TUT1: variants seen among roughly 807,000 people sequenced by gnomAD.
TUT1 encodes speckle targeted PIP5K1A-regulated poly(A) polymerase.
A neutral mutation model predicts 48.8 loss-of-function variants in TUT1; 26 were observed. The ratio of observed to expected loss-of-function variants is 0.53; its 90% CI spans 0.39 to 0.74. The LOEUF is 0.74. Among genes scored for constraint, TUT1 ranks in the 30% least tolerant of loss-of-function variants. The pLI, the probability that TUT1 is intolerant of heterozygous loss-of-function variation, is 0.00. For synonymous variants in TUT1, 470 were observed against 460.8 expected (o/e 1.02, Z -0.26); for missense variants, 1,065 against 1,114.8 (o/e 0.96, Z 0.64).
At chr11:62,580,040 T>C (rs898344641) in intron 4 of TUT1, among the ~76,000 whole-genome samples, 1 of 152,122 alleles carries the variant, frequency 6.6e-6, no homozygotes, top group African/African-American at 2.4e-5. Context: ...TTTGGGAGAA[T>C]GAGGCAGGAG....
rs1942008043 is a variant in TUT1 at position 62,591,258 on chromosome 11, C to T, written c.82+146G>A. The stretch of plus-strand genomic sequence containing the variant: ...GAACTTTCCCGACTCTCCAAATCCC[C>T]TCGGACTTGCAGAGAAAAACGGAGG... On this transcript the variant is annotated intron_variant, in intron 1 of 8. Coordinates refer to ENST00000476907, the MANE Select transcript of TUT1 (RefSeq NM_022830.3). 3.7e-6 allele frequency: 5 copies of T among 1,364,420 alleles called. No homozygotes were observed. The South Asian group carries it at 9.3e-5, about 25-fold the overall frequency. The allele number at this position is 1,364,420 out of a possible 1,614,324, so 84.5% of individuals were successfully genotyped here.
In TUT1 at chr11:62,575,117, G is replaced by A; in HGVS notation, c.2602C>T (p.Gln868Ter). ...LHHFLQVFLP[Q>*]AIRHLK ...CTTCACTTGAGATGTCGAATTGCTT[G>A]AGGGAGGAAAACCTGTAAGAAATGA... Residue 868 changes from glutamine (Q) to a stop codon, truncating the protein, a stop_gained, in exon 9 of 9, where the codon CAA becomes TAA. Coordinates refer to ENST00000476907, the MANE Select transcript of TUT1 (RefSeq NM_022830.3). LOFTEE classifies it high-confidence loss of function. The A allele has an allele frequency of 6.4e-7, 1 of 1,572,570 alleles. No individual in the cohort carries two copies. The highest frequency in any genetic ancestry group is 1.8e-5 in the Admixed American group (1 of 55,094).
At chr11:62,576,376 G>T in intron 8 of TUT1, 132 bp from the exon 9 acceptor site, 1 of 1,180,006 alleles carries the variant, frequency 8.5e-7, no homozygotes, top group South Asian at 1.6e-5. Context: ...CAGGAAGCTA[G>T]GCTTCTCTGA....
chr11:62,584,620 T>A (rs559950977), intron 2 of TUT1, among the ~76,000 whole-genome samples: 16 of 151,476 alleles, frequency 1.1e-4, no homozygotes, highest in African/African-American at 3.9e-4. Context: ...TTTTTTGTAT[T>A]TTTAGTAGAG....
At chr11:62,576,266 G>A (rs1178756792) in intron 8 of TUT1, 22 bp from the exon 9 acceptor site, 1 of 1,526,460 alleles carries the variant, frequency 6.6e-7, no homozygotes, top group Admixed American at 2.2e-5. Flanking sequence ...GGAAGAGTGG[G>A]GAAAGGGGGG....
intron 2 of TUT1, among the ~76,000 whole-genome samples, chr11:62,585,790 C>T (rs1941903178): frequency 6.6e-6 from 1 of 151,892 alleles, no homozygotes; most frequent in Non-Finnish European, 1.5e-5. Context: ...CAGAATGAGA[C>T]TCCACCTCAA....
In TUT1 at chr11:62,580,776, A is replaced by AT. The variant is rs999253062; in HGVS notation, c.690+329dup. On this transcript the variant is annotated intron_variant, in intron 4 of 8. Coordinates refer to ENST00000476907, the MANE Select transcript of TUT1 (RefSeq NM_022830.3). ...CACCACACACCCAGCTAATTTTTGT[A>AT]TTTTTTTTTTAGTAGAGATGGGGGT... Among the ~76,000 whole-genome samples, 169 of 145,494 alleles carry AT rather than the reference A, an allele frequency of 1.2e-3. 1 individual carries two copies. The highest frequency in any genetic ancestry group is 3.6e-3 in the African/African-American group (143 of 39,688).
intron 1 of TUT1, among the ~76,000 whole-genome samples, chr11:62,589,511 C>T (rs1324745650): frequency 3.9e-5 from 6 of 152,130 alleles, no homozygotes; most frequent in Admixed American, 3.9e-4. Flanking sequence ...TCAAGAAATT[C>T]TCCTGCCTCA....
chr11:62,578,552 G>GA lies in TUT1; in HGVS notation c.1160+8dup. On this transcript the variant is annotated intron_variant, in intron 5 of 8. Transcript: ENST00000476907. The stretch of plus-strand genomic sequence containing the variant: ...GAGTGAAATGTCGTCTCAAAAAAAA[G>GA]AAAGGTACCGGTTACTGAGGGAGAC... 1 of 1,570,564 alleles carries GA rather than the reference G, an allele frequency of 6.4e-7. No individual in the cohort carries two copies. Among genetic ancestry groups the GA allele is most frequent in the Non-Finnish European group, 8.6e-7 (1 of 1,157,546 alleles).
intron 1 of TUT1, among the ~76,000 whole-genome samples, chr11:62,590,705 T>TG (rs1941996611): frequency 6.7e-6 from 1 of 150,018 alleles, no homozygotes; most frequent in Admixed American, 6.7e-5. Context: ...CTCAACTACT[T>TG]GGGAGGCTAG....
intron 4 of TUT1, among the ~76,000 whole-genome samples, chr11:62,580,314 G>T (rs372761799): frequency 1.3e-4 from 19 of 151,772 alleles, no homozygotes; most frequent in Non-Finnish European, 2.1e-4. Flanking sequence ...CAAAAAATTA[G>T]CCAGGCATGG....
Position 62,577,274 on chromosome 11 carries a change from G to A in TUT1, c.1178C>T (p.Ser393Phe), listed in dbSNP as rs1025002495. Reference protein sequence around the residue: ...SLSNRLALHNSRFLSLCSELD... With the variant: ...SLSNRLALHNFRFLSLCSELD... ...CTCAGAGCAGAGACTCAGGAAACGG[G>A]AGTTATGCAGGGCCAGCCTGGGACA... Residue 393 changes from serine (S) to phenylalanine (F), a missense_variant, in exon 6 of 9, where the codon TCC becomes TTC. By Grantham distance (155) the Ser-to-Phe change is radical. Transcript: ENST00000476907. 1 of 1,612,724 alleles carries A rather than the reference G, an allele frequency of 6.2e-7. No individual in the cohort carries two copies. The highest frequency in any genetic ancestry group is 8.5e-7 in the Non-Finnish European group (1 of 1,179,680).
chr11:62,582,052 G>A (rs1941836447), intron 2 of TUT1, among the ~76,000 whole-genome samples: 1 of 151,732 alleles, frequency 6.6e-6, no homozygotes, highest in South Asian at 2.1e-4. Flanking sequence ...GGGTGATCTC[G>A]GCTTACTGCA....
At chr11:62,579,117 G>T in intron 4 of TUT1, 87 bp from the exon 5 acceptor site, 1 of 1,054,818 alleles carries the variant, frequency 9.5e-7, no homozygotes, top group Non-Finnish European at 1.3e-6. Flanking sequence ...AGCTTATTCA[G>T]CTCTATTCTA....
At position 62,578,464 on chromosome 11, in the gene TUT1, C is replaced by T. The variant is rs1233565825; in HGVS notation, c.1160+97G>A. ...GGAGGCTGAGGCAGGAGAATCACTT[C>T]AACCTGGGAGGCAGAGGTTGCAGAG... On this transcript the variant is annotated intron_variant, in intron 5 of 8. Coordinates refer to ENST00000476907, the MANE Select transcript of TUT1 (RefSeq NM_022830.3). 13 of 1,186,356 alleles carry T rather than the reference C, an allele frequency of 1.1e-5. No individual in the cohort carries two copies. In the East Asian group the frequency reaches 3.0e-4, roughly 28 times the overall value. 73.5% of individuals were successfully genotyped at this position (1,186,356 alleles called of 1,614,324 possible). A position where few individuals can be genotyped will look rare whatever the true frequency, so the allele number is the denominator to read the frequency against.
rs772701859 is a variant in TUT1 at position 62,575,927 on chromosome 11, TG to T, written c.1791del (p.Ser598AlafsTer38). ...RDWGLLPLLQ[P>X]SSPSSLLSAT... ...GCAGAGAGCAGGGAGCTGGGGGAGCTGGGCTGCAGAAGAGGGAGCAGCCCCC... is the reference window on the plus strand; with the variant it reads ...GCAGAGAGCAGGGAGCTGGGGGAGCTGGCTGCAGAAGAGGGAGCAGCCCCC... On this transcript the variant is annotated frameshift_variant, in exon 9 of 9. Transcript: ENST00000476907. LOFTEE classifies it low-confidence loss of function (END_TRUNC). 6.2e-7 allele frequency: 1 copy of T among 1,613,908 alleles called. No individual in the cohort carries two copies. Among genetic ancestry groups the T allele is most frequent in the African/African-American group, 1.3e-5 (1 of 74,876 alleles).
rs760828277 is a variant in TUT1 at position 62,589,265 on chromosome 11, G to A, written c.83-44C>T. ...GACAAAAACATGCAAAGCACTCTTC[G>A]ACGTGTCTGCCTTTGCTCTCTGCAT... On this transcript the variant is annotated intron_variant, in intron 1 of 8. Transcript: ENST00000476907. 2.3e-5 allele frequency: 36 copies of A among 1,587,464 alleles called. No homozygotes were observed. In the South Asian group the frequency reaches 3.3e-4, roughly 14 times the overall value.
Position 62,575,079 on chromosome 11 carries a change from T to G in TUT1, c.*15A>C. 1 of 1,552,340 alleles carries G rather than the reference T, an allele frequency of 6.4e-7. No individual in the cohort carries two copies. The highest frequency in any genetic ancestry group is 1.2e-5 in the South Asian group (1 of 81,218). ...AATAAACTAGCAGCTTTATTGCCCT[T>G]CAGGGGCCATGTCTTCACTTGAGAT... On this transcript the variant is annotated 3_prime_UTR_variant, in exon 9 of 9. Coordinates refer to ENST00000476907, the MANE Select transcript of TUT1 (RefSeq NM_022830.3).
At chr11:62,586,407 G>C (rs923598818) in intron 2 of TUT1, among the ~76,000 whole-genome samples, 1 of 152,232 alleles carries the variant, frequency 6.6e-6, no homozygotes, top group Non-Finnish European at 1.5e-5. Context: ...TCCCTTAAGA[G>C]AATGTTGTGG....
Sources: allele counts gnomAD v4.1 joint callset (sites outside exome capture counted in the v4.1 genomes callset), GRCh38; gene constraint gnomAD v4.1.1; transcripts MANE v1.5; gene names NCBI Gene and HGNC (gene_info 2026-07-23, HGNC 2026-07-21).